Variants in ZNF510 observed in about 807,000 individuals in gnomAD.
The protein encoded by ZNF510 is zinc finger protein 510.
In ZNF510, 15 loss-of-function variants were observed where a neutral mutation model predicts 18.1. The ratio of observed to expected loss-of-function variants is 0.83; its 90% CI spans 0.55 to 1.28. The LOEUF (loss-of-function observed/expected upper bound fraction) is 1.28, where lower values mean the gene tolerates loss of function less well. Ranked by LOEUF, ZNF510 falls within the 50% of genes most tolerant of loss-of-function variation. The pLI is 0.00. For synonymous variants in ZNF510, 261 were observed against 266.4 expected (o/e 0.98, Z 0.20); for missense variants, 724 against 791.8 (o/e 0.91, Z 1.03).
At chr9:96,771,448 C>G (rs1304338647) in intron 3 of ZNF510, among the ~76,000 whole-genome samples, 6 of 147,516 alleles carry the variant, frequency 4.1e-5, no homozygotes, top group Admixed American at 4.0e-4. Context: ...AAAAAAAACT[C>G]AGGAAACTAA....
Position 96,757,452 on chromosome 9 carries a change from C to G in ZNF510, c.*1326G>C, listed in dbSNP as rs939245983. 4 of 152,184 alleles carry G rather than the reference C, an allele frequency of 2.6e-5. No homozygotes were observed. The highest frequency in any genetic ancestry group is 4.4e-5 in the Non-Finnish European group (3 of 68,034). 9.4% of individuals were successfully genotyped at this position (152,184 alleles called of 1,614,324 possible). ...CAATTCTCTGATCATATTTGAGGTT[C>G]TCCTTGACTCTCTAGCCTCCTAATA... On this transcript the variant is annotated 3_prime_UTR_variant, in exon 6 of 6. Transcript: ENST00000223428.
rs200690919 is a variant in ZNF510, at chr9:96,773,345, GAAAC to G, written c.129+1439_129+1442del. Among the ~76,000 whole-genome samples, 46 of 152,208 alleles carry G rather than the reference GAAAC, an allele frequency of 3.0e-4. 1 individual carries two copies. The South Asian group carries it at 8.3e-3, about 27-fold the overall frequency. On this transcript the variant is annotated intron_variant, in intron 3 of 5. Transcript: ENST00000223428. ...AAAGGAAAAAAGAGTGCATACAAGA[GAAAC>G]AAAAATTTAGCAAAATATATATAGT...
At position 96,758,971 on chromosome 9, in the gene ZNF510, C is replaced by A. The variant is rs374007286; in HGVS notation, c.1859G>T (p.Arg620Ile). Residue 620 changes from arginine (R) to isoleucine (I), a missense_variant, in exon 6 of 6, where the codon AGA (arginine) becomes ATA (isoleucine). Physicochemically the swap from Arg to Ile is moderately conservative, Grantham distance 97 (BLOSUM62 -3). Transcript: ENST00000223428. ...AAAGGGTTTCTCCCCTGTGTGAATT[C>A]TCTGATGATCACTAAGGATTGCTTT... ...VRKAILSDHQ[R>I]IHTGEKPFQC... 2.9e-5 allele frequency: 46 copies of A among 1,613,896 alleles called. No homozygotes were observed. The highest frequency in any genetic ancestry group is 3.9e-5 in the Non-Finnish European group (46 of 1,179,984).
Position 96,776,331 on chromosome 9 carries a change from A to G in ZNF510, c.-176-86T>C, listed in dbSNP as rs150619827. ...TTATTTTAGTTGAAACTTTCATGGA[A>G]AACAGTGTTCTTCACGTCAGCACAA... On this transcript the variant is annotated intron_variant, in intron 1 of 5. Transcript: ENST00000223428. 1.4e-3 allele frequency: 680 copies of G among 497,914 alleles called. 4 individuals are homozygous for G. The highest frequency in any genetic ancestry group is 0.012 in the African/African-American group (602 of 50,708). The allele number at this position is 497,914 out of a possible 1,614,324, so 30.8% of individuals were successfully genotyped here.
intron 3 of ZNF510, among the ~76,000 whole-genome samples, chr9:96,765,117 AACAAC>A (rs1849441252): frequency 1.5e-5 from 2 of 132,462 alleles, no homozygotes; most frequent in South Asian, 2.2e-4. Context: ...TTGTATAAAA[AACAAC>A]AACAACAACA....
At chr9:96,773,128 A>G (rs986121510) in intron 3 of ZNF510, among the ~76,000 whole-genome samples, 1 of 152,236 alleles carries the variant, frequency 6.6e-6, no homozygotes, top group Non-Finnish European at 1.5e-5. Context: ...ATATTCAAAA[A>G]TGAATTTATC....
chr9:96,777,498 G>A (rs1228693472), intron 1 of ZNF510: 1 of 152,196 alleles, frequency 6.6e-6, no homozygotes, highest in Non-Finnish European at 1.5e-5. Flanking sequence ...AGAACAAAGT[G>A]TCTTCCAAAT....
chr9:96,774,627 C>T lies in ZNF510; in HGVS notation c.129+161G>A, dbSNP rs73554366. Reference sequence around the variant, plus strand: ...ATTTTGGAAAATCTGTAACATCAGGCGACCTCCATCTTTCCACATGCCAAT... The same window carrying T: ...ATTTTGGAAAATCTGTAACATCAGGTGACCTCCATCTTTCCACATGCCAAT... On this transcript the variant is annotated intron_variant, in intron 3 of 5. Coordinates refer to ENST00000223428, the MANE Select transcript of ZNF510 (RefSeq NM_014930.3). Among the ~76,000 whole-genome samples the T allele has an allele frequency of 9.2e-3, 1,408 of 152,296 alleles. 50 individuals are homozygous for T. The East Asian group carries it at 0.1, about 11-fold the overall frequency.
At position 96,755,094 on chromosome 9, in the gene ZNF510, G is replaced by C. The variant is rs1040601228; in HGVS notation, c.*3684C>G. Reference sequence around the variant, plus strand: ...AAAGGTATCCTGTGGGCCGCCCTCTGCTAAGGGACAGCAGGTGAAGCCTGA... The same window carrying C: ...AAAGGTATCCTGTGGGCCGCCCTCTCCTAAGGGACAGCAGGTGAAGCCTGA... On this transcript the variant is annotated 3_prime_UTR_variant, in exon 6 of 6. Transcript: ENST00000223428. Among the ~76,000 whole-genome samples, 1 of 152,182 alleles carries C rather than the reference G, an allele frequency of 6.6e-6. No homozygotes were observed. Among genetic ancestry groups the C allele is most frequent in the South Asian group, 2.1e-4 (1 of 4,828 alleles).
At chr9:96,760,700 C>T (rs1164464993) in intron 5 of ZNF510, among the ~76,000 whole-genome samples, 3 of 151,758 alleles carry the variant, frequency 2.0e-5, no homozygotes, top group Non-Finnish European at 2.9e-5. Context: ...ACATATTTTG[C>T]ATGTGATTAG....
At chr9:96,760,598 G>T in intron 5 of ZNF510, 121 bp from the exon 6 acceptor site, 2 of 872,546 alleles carry the variant, frequency 2.3e-6, no homozygotes, top group Non-Finnish European at 3.3e-6. Flanking sequence ...TAATTCAGAT[G>T]TATGTGTGTG....
At chr9:96,770,716 CTTG>C (rs1336172040) in intron 3 of ZNF510, among the ~76,000 whole-genome samples, 2 of 151,990 alleles carry the variant, frequency 1.3e-5, no homozygotes, top group South Asian at 2.1e-4. Flanking sequence ...ACACAGATTA[CTTG>C]TTGTTTAGGG....
chr9:96,771,446 C>A (rs1002200338), intron 3 of ZNF510, among the ~76,000 whole-genome samples: 7 of 143,222 alleles, frequency 4.9e-5, no homozygotes, highest in African/African-American at 5.5e-5. Flanking sequence ...AAAAAAAAAA[C>A]TCAGGAAACT....
chr9:96,771,693 A>C (rs1013760530), intron 3 of ZNF510, among the ~76,000 whole-genome samples: 1 of 152,126 alleles, frequency 6.6e-6, no homozygotes, highest in Non-Finnish European at 1.5e-5. Flanking sequence ...ATTGCAAAAA[A>C]AATTTTGCAC....
intron 3 of ZNF510, among the ~76,000 whole-genome samples, chr9:96,770,440 A>T (rs1849561397): frequency 1.3e-5 from 2 of 151,704 alleles, no homozygotes; most frequent in Admixed American, 6.6e-5. Context: ...AAAAAAAAAA[A>T]AAAATAGAAA....
intron 3 of ZNF510, 52 bp downstream of exon 3, chr9:96,774,736 C>G (rs767635959): frequency 1.3e-4 from 194 of 1,476,190 alleles, no homozygotes; most frequent in Non-Finnish European, 1.7e-4. Context: ...ATATGTGGAC[C>G]CTTAAACACC....
intron 5 of ZNF510, 136 bp downstream of exon 5, chr9:96,762,982 T>C (rs914291832): frequency 2.2e-5 from 15 of 677,538 alleles, no homozygotes; most frequent in Non-Finnish European, 3.9e-5. Context: ...TTATTAATTA[T>C]TTTCTTTTAA....
chr9:96,770,371 T>A (rs1849559684), intron 3 of ZNF510, among the ~76,000 whole-genome samples: 2 of 150,652 alleles, frequency 1.3e-5, no homozygotes, highest in South Asian at 4.2e-4. Context: ...GGGCGGATCA[T>A]CTGAGGTCAG....
intron 5 of ZNF510, among the ~76,000 whole-genome samples, chr9:96,760,743 GAAAAT>G (rs930452428): frequency 6.6e-5 from 10 of 150,440 alleles, no homozygotes; most frequent in South Asian, 4.1e-4. Flanking sequence ...ATAGAGGAAA[GAAAAT>G]AAAATAAAAC....
Sources: gnomAD v4.1 joint callset for allele counts (sites outside exome capture counted in the v4.1 genomes callset) on GRCh38, gnomAD v4.1.1 for gene constraint, MANE v1.5 for transcripts, NCBI Gene and HGNC (gene_info 2026-07-23, HGNC 2026-07-21) for gene names.